MAPKAPK2: variants seen among roughly 807,000 people sequenced by gnomAD.
MAPKAPK2 encodes the protein MAP kinase-activated protein kinase 2.
Under a neutral mutation model 48.8 loss-of-function variants are expected in MAPKAPK2, and 9 were observed. The ratio of observed to expected loss-of-function variants is 0.18; its 90% CI spans 0.11 to 0.32. The LOEUF (loss-of-function observed/expected upper bound fraction) is 0.32, where lower values mean the gene tolerates loss of function less well. MAPKAPK2 is among the 10% of genes least tolerant of loss of function. The probability of loss-of-function intolerance (pLI) is 1.00; values close to 1 mark genes in which losing one functional copy is unlikely to be tolerated. For missense variants in MAPKAPK2, 331 were observed against 498.3 expected, an observed-to-expected ratio of 0.66 and a Z score of 3.20; for synonymous variants, 202 against 190.6, an observed-to-expected ratio of 1.06 and a Z score of -0.49.
chr1:206,685,477 A>G lies in MAPKAPK2; in HGVS notation c.248A>G (p.Asn83Ser), dbSNP rs1553425445. ...GINGKVLQIF[N>S]KRTQEKFALK... Reference sequence around the variant, plus strand: ...AACGGCAAAGTTTTGCAGATCTTCAACAAGAGGACCCAGGAGAAATTCGCC... The same window carrying G: ...AACGGCAAAGTTTTGCAGATCTTCAGCAAGAGGACCCAGGAGAAATTCGCC... Residue 83 changes from asparagine to serine, a missense_variant, in exon 1 of 10, where the codon AAC (asparagine) becomes AGC (serine). By Grantham distance (46) the Asn-to-Ser change is conservative. Around this residue, in one of 4 missense-constraint regions of MAPKAPK2, gnomAD observed 111 missense variants for 193.6 expected, o/e 0.57. Coordinates refer to ENST00000367103, the MANE Select transcript of MAPKAPK2 (RefSeq NM_032960.4). 4 of 1,537,854 alleles carry G rather than the reference A, an allele frequency of 2.6e-6. No individual in the cohort carries two copies. The South Asian group carries it at 4.6e-5, about 18-fold the overall frequency.
intron 1 of MAPKAPK2, 61 bp downstream of exon 1, chr1:206,685,569 G>A (rs540440930): frequency 2.8e-5 from 37 of 1,340,666 alleles, no homozygotes; most frequent in African/African-American, 4.7e-5. Flanking sequence ...GCTCCACGGC[G>A]TCGGGTGCCC....
chr1:206,713,794 A>G (rs1456245792), intron 1 of MAPKAPK2, among the ~76,000 whole-genome samples: 1 of 152,196 alleles, frequency 6.6e-6, no homozygotes, highest in Non-Finnish European at 1.5e-5. Context: ...TGAACCCAAG[A>G]GGCGGAGTTT....
intron 1 of MAPKAPK2, among the ~76,000 whole-genome samples, chr1:206,717,099 T>C (rs1673359521): frequency 1.3e-5 from 2 of 152,198 alleles, no homozygotes; most frequent in South Asian, 4.1e-4. Context: ...AGCGGTAAAC[T>C]AATATTACCA....
At chr1:206,695,393 TCTCTGCCTG>T (rs1672583300) in intron 1 of MAPKAPK2, among the ~76,000 whole-genome samples, 2 of 151,466 alleles carry the variant, frequency 1.3e-5, no homozygotes, top group Admixed American at 1.3e-4. Context: ...TCAGTGGGTC[TCTCTGCCTG>T]CAGAATACAT....
Position 206,731,393 on chromosome 1 carries a change from C to G in MAPKAPK2, c.892+131C>G. 1 of 1,492,462 alleles carries G rather than the reference C, an allele frequency of 6.7e-7. No individual in the cohort carries two copies. The allele number at this position is 1,492,462 out of a possible 1,614,324, so 92.5% of individuals were successfully genotyped here. A position where few individuals can be genotyped will look rare whatever the true frequency, so the allele number is the denominator to read the frequency against. On this transcript the variant is annotated intron_variant, in intron 7 of 9. Transcript: ENST00000367103. The surrounding 1 kb of genome is among the most constrained non-coding windows in gnomAD (Gnocchi z 5.9). The stretch of plus-strand genomic sequence containing the variant: ...GTGTAACTGTGGGTTAGCACCTATG[C>G]CCACGCCTGCGGGGTGCGTCCTGCT...
At chr1:206,693,517 T>C (rs1553426584) in intron 1 of MAPKAPK2, among the ~76,000 whole-genome samples, 4 of 152,098 alleles carry the variant, frequency 2.6e-5, no homozygotes, top group Non-Finnish European at 4.4e-5. Flanking sequence ...AGGGAAAGGG[T>C]TAGACAAAAA....
intron 2 of MAPKAPK2, 56 bp downstream of exon 2, chr1:206,728,905 A>G: frequency 1.2e-6 from 2 of 1,611,988 alleles, no homozygotes; most frequent in African/African-American, 1.3e-5. Flanking sequence ...TCACTCAGGC[A>G]CCTTACCCTC....
chr1:206,730,785 C>A, intron 6 of MAPKAPK2, 22 bp downstream of exon 6: 2 of 586,370 alleles, frequency 3.4e-6, no homozygotes, highest in Non-Finnish European at 6.5e-6. Context: ...GGGGAGGGGG[C>A]TGGGTGGGGC....
At chr1:206,699,548 G>A (rs1572485730) in intron 1 of MAPKAPK2, among the ~76,000 whole-genome samples, 2 of 152,346 alleles carry the variant, frequency 1.3e-5, no homozygotes, top group Admixed American at 1.3e-4. Context: ...CAATGCTTGA[G>A]ATTGGTGTGA....
At chr1:206,690,326 A>G (rs1364471804) in intron 1 of MAPKAPK2, among the ~76,000 whole-genome samples, 1 of 152,176 alleles carries the variant, frequency 6.6e-6, no homozygotes, top group Non-Finnish European at 1.5e-5. Flanking sequence ...CTGAGGCAAG[A>G]TTGAAGCTGG....
intron 1 of MAPKAPK2, 106 bp from the exon 2 acceptor site, chr1:206,728,604 T>C: frequency 8.9e-7 from 1 of 1,122,994 alleles, no homozygotes; most frequent in Non-Finnish European, 1.2e-6. Context: ...CCAGCAGGAG[T>C]GGGGGGTTTG....
At chr1:206,696,315 C>T in intron 1 of MAPKAPK2, 1 of 830,312 alleles carries the variant, frequency 1.2e-6, no homozygotes, top group Non-Finnish European at 2.1e-6. Context: ...CAAGGCACCT[C>T]TTTAGATATC....
intron 1 of MAPKAPK2, among the ~76,000 whole-genome samples, chr1:206,686,262 T>C (rs1195407586): frequency 1.3e-5 from 2 of 152,224 alleles, no homozygotes; most frequent in African/African-American, 4.8e-5. Flanking sequence ...CCCGTGCTGA[T>C]TCCGCCTCCT....
intron 1 of MAPKAPK2, among the ~76,000 whole-genome samples, chr1:206,693,727 C>T (rs782281263): frequency 7.2e-5 from 11 of 152,172 alleles, no homozygotes; most frequent in Non-Finnish European, 1.2e-4. Context: ...GCCCTGTCAC[C>T]GAGCATGCTA....
intron 1 of MAPKAPK2, among the ~76,000 whole-genome samples, chr1:206,702,384 A>G (rs1340054074): frequency 6.6e-6 from 1 of 152,216 alleles, no homozygotes; most frequent in Non-Finnish European, 1.5e-5. Context: ...CAAGGGCTCT[A>G]GGGAGATGCA....
intron 1 of MAPKAPK2, among the ~76,000 whole-genome samples, chr1:206,699,925 T>C (rs1284881310): frequency 6.6e-6 from 1 of 152,060 alleles, no homozygotes; most frequent in African/African-American, 2.4e-5. Flanking sequence ...TGTCTTTCTC[T>C]CTCTTTTTCT....
chr1:206,686,521 A>G (rs1672293572), intron 1 of MAPKAPK2, among the ~76,000 whole-genome samples: 1 of 152,184 alleles, frequency 6.6e-6, no homozygotes, highest in Admixed American at 6.5e-5. Context: ...TTCCTCTCAC[A>G]GGGGTTTCAG....
chr1:206,709,144 T>G (rs555697078), intron 1 of MAPKAPK2, among the ~76,000 whole-genome samples: 1 of 152,182 alleles, frequency 6.6e-6, no homozygotes, highest in East Asian at 1.9e-4. Flanking sequence ...GGCTGTTACT[T>G]ATTGTTCCTA....
chr1:206,693,840 T>C (rs1553426632), intron 1 of MAPKAPK2, among the ~76,000 whole-genome samples: 1 of 152,212 alleles, frequency 6.6e-6, no homozygotes, highest in African/African-American at 2.4e-5. Context: ...CTTGTCAGCG[T>C]CCAAGAATAA....
Sources: gnomAD v4.1 joint callset for allele counts (sites outside exome capture counted in the v4.1 genomes callset) on GRCh38, gnomAD v4.1.1 for gene constraint, gnomAD v4.1.1 regional missense constraint, Gnocchi (gnomAD v3.1) non-coding constraint, MANE v1.5 for transcripts, NCBI Gene and HGNC (gene_info 2026-07-23, HGNC 2026-07-21) for gene names.